The following VENTX variants were observed in gnomAD, a reference collection of about 807,000 sequenced individuals.
VENTX encodes the protein homeobox protein VENTX.
A neutral mutation model predicts 10.5 loss-of-function variants in VENTX; 13 were observed. The ratio of observed to expected loss-of-function variants is 1.23; its 90% confidence interval spans 0.80 to 1.96. The LOEUF (loss-of-function observed/expected upper bound fraction) is 1.96. Among genes scored for constraint, VENTX ranks in the 30% most tolerant of loss-of-function variants. VENTX has a pLI of 0.00. For synonymous variants in VENTX, 177 were observed against 150.4 expected, an observed-to-expected ratio of 1.18 and a Z score of -1.29; for missense variants, 400 against 341.8, an observed-to-expected ratio of 1.17 and a Z score of -1.34.
chr10:133,238,586 C>G (rs2136050799), intron 1 of VENTX, among the ~76,000 whole-genome samples: 1 of 152,064 alleles, frequency 6.6e-6, no homozygotes, highest in South Asian at 2.1e-4. Context: ...TAGGCTCAAG[C>G]CCATTCCGGG....
chr10:133,239,659 CT>C lies in VENTX; in HGVS notation c.242-15del. 6.2e-7 allele frequency: 1 copy of C among 1,610,908 alleles called. No individual in the cohort carries two copies. The highest frequency in any genetic ancestry group is 8.5e-7 in the Non-Finnish European group (1 of 1,179,916). On this transcript the variant is annotated splice_polypyrimidine_tract_variant and intron_variant, in intron 1 of 2. Transcript: ENST00000325980. ...GGGGTGGCATGTTGAGCCAAATGCC[CT>C]TACCCTCTATGTCAGGGTTGAGTAA...
Position 133,238,167 on chromosome 10 carries a change from T to TGG in VENTX, c.241+19_241+20dup. 3 of 1,574,790 alleles carry TGG rather than the reference T, an allele frequency of 1.9e-6. No individual in the cohort carries two copies. Among genetic ancestry groups the TGG allele is most frequent in the Non-Finnish European group, 2.6e-6 (3 of 1,159,066 alleles). On this transcript the variant is annotated intron_variant, in intron 1 of 2. Coordinates refer to ENST00000325980, the MANE Select transcript of VENTX (RefSeq NM_014468.4). Reference sequence around the variant, plus strand: ...GAGGACCATGGCCGGTAGGTCCGGGTGGGGGGGGTCCCTTCCTTCCCAGGT... The same window carrying TGG: ...GAGGACCATGGCCGGTAGGTCCGGGTGGGGGGGGGGTCCCTTCCTTCCCAGGT...
In VENTX at chr10:133,237,856, AGGT is replaced by A; in HGVS notation, c.-56_-54del. The A allele has an allele frequency of 6.8e-7, 1 of 1,478,934 alleles. No homozygotes were observed. Among genetic ancestry groups the A allele is most frequent in the Admixed American group, 2.3e-5 (1 of 44,422 alleles). 91.6% of individuals were successfully genotyped at this position (1,478,934 alleles called of 1,614,324 possible). ...AAACGCCGCCGCCTGGCGAGGCCCG[AGGT>A]GGATCCTGCGCCTGGCCAGCCCCGC... On this transcript the variant is annotated 5_prime_UTR_variant, in exon 1 of 3. Transcript: ENST00000325980.
intron 1 of VENTX, among the ~76,000 whole-genome samples, chr10:133,238,544 C>T (rs756505844): frequency 6.6e-6 from 1 of 152,182 alleles, no homozygotes; most frequent in South Asian, 2.1e-4. Flanking sequence ...CCCGCCCCCG[C>T]CCCCCAGCAC....
rs1255628026 is a variant in VENTX at position 133,240,472 on chromosome 10, A to G, written c.*166A>G. On this transcript the variant is annotated 3_prime_UTR_variant, in exon 3 of 3. Transcript: ENST00000325980. ...TATATAAATATATATATGTACGTAT[A>G]TATGTAAATACACATATACGTATAT... is the stretch of plus-strand genomic sequence containing the variant. The G allele has an allele frequency of 2.2e-6, 1 of 449,486 alleles. No homozygotes were observed. The highest frequency in any genetic ancestry group is 4.3e-5 in the East Asian group (1 of 23,034). The allele number at this position is 449,486 out of a possible 1,614,324, so 27.8% of individuals were successfully genotyped here.
At chr10:133,239,302 G>C (rs932022263) in intron 1 of VENTX, among the ~76,000 whole-genome samples, 1 of 152,226 alleles carries the variant, frequency 6.6e-6, no homozygotes, top group African/African-American at 2.4e-5. Flanking sequence ...CCCGGGACAG[G>C]GATGGGTGCC....
rs1470177591 is a variant in VENTX at position 133,238,269 on chromosome 10, G to A, written c.241+114G>A. 1.3e-5 allele frequency: 18 copies of A among 1,345,852 alleles called. No individual in the cohort carries two copies. The South Asian group carries it at 2.9e-4, about 22-fold the overall frequency. 83.4% of individuals were successfully genotyped at this position (1,345,852 alleles called of 1,614,324 possible). A position where few individuals can be genotyped will look rare whatever the true frequency, so the allele number is the denominator to read the frequency against. On this transcript the variant is annotated intron_variant, in intron 1 of 2. Coordinates refer to ENST00000325980, the MANE Select transcript of VENTX (RefSeq NM_014468.4). Reference sequence around the variant, plus strand: ...GTGCCCTGCCCACTAGGTCAGGGCCGGGGGCGTTTCCATGAGGGCCGGCGG... The same window carrying A: ...GTGCCCTGCCCACTAGGTCAGGGCCAGGGGCGTTTCCATGAGGGCCGGCGG...
chr10:133,239,929 C>A lies in VENTX; in HGVS notation c.403-3C>A. On this transcript the variant is annotated splice_region_variant and splice_polypyrimidine_tract_variant and intron_variant, in intron 2 of 2. Transcript: ENST00000325980. Reference sequence around the variant, plus strand: ...CCCTGTTCTGATCTTGCTTTTCCTACAGATAAAAACCTGGTTTCAGAATCG... The same window carrying A: ...CCCTGTTCTGATCTTGCTTTTCCTAAAGATAAAAACCTGGTTTCAGAATCG... 6.2e-7 allele frequency: 1 copy of A among 1,611,018 alleles called. No individual in the cohort carries two copies. The highest frequency in any genetic ancestry group is 8.5e-7 in the Non-Finnish European group (1 of 1,178,846).
At position 133,239,677 on chromosome 10, in the gene VENTX, G is replaced by A; in HGVS notation, c.243G>A (p.Gly81=). Residue 81 remains glycine (G), a splice_region_variant and synonymous_variant, in exon 2 of 3, where the codon GGG becomes GGA. Transcript: ENST00000325980. ...AAATGCCCTTACCCTCTATGTCAGG[G>A]TTGAGTAAGGAGCCAAATACCTTGC... The part of the protein sequence containing the change: ...NLPAPERTMA[G]LSKEPNTLRA... 1 of 1,611,096 alleles carries A rather than the reference G, an allele frequency of 6.2e-7. No individual in the cohort carries two copies. The highest frequency in any genetic ancestry group is 8.5e-7 in the Non-Finnish European group (1 of 1,180,008).
rs1406616174 is a variant in VENTX, at chr10:133,240,575, GCT to G, written c.*272_*273del. On this transcript the variant is annotated 3_prime_UTR_variant, in exon 3 of 3. Transcript: ENST00000325980. ...TTTTTTTTTTTTGAGACGGAGTGTT[GCT>G]CTGTCACCCAGGCTGGAGTGCAATG... 3 of 112,858 alleles carry G rather than the reference GCT, an allele frequency of 2.7e-5. No individual in the cohort carries two copies. The highest frequency in any genetic ancestry group is 1.1e-4 in the African/African-American group (3 of 26,656). The allele number at this position is 112,858 out of a possible 1,614,324, so 7.0% of individuals were successfully genotyped here.
chr10:133,239,287 CG>C (rs908413837), intron 1 of VENTX, among the ~76,000 whole-genome samples: 18 of 150,942 alleles, frequency 1.2e-4, no homozygotes, highest in African/African-American at 4.0e-4. Context: ...GCTGAGGAGA[CG>C]GAGCCCGGGA....
intron 1 of VENTX, among the ~76,000 whole-genome samples, chr10:133,238,628 T>C (rs1845887329): frequency 6.6e-6 from 1 of 151,788 alleles, no homozygotes; most frequent in Admixed American, 6.6e-5. Flanking sequence ...TTAAAGAGCC[T>C]GCAGGTTCGC....
rs368423943 is a variant in VENTX, at chr10:133,239,972, G to A, written c.443G>A (p.Arg148Gln). The A allele has an allele frequency of 2.9e-5, 47 of 1,611,504 alleles. No individual in the cohort carries two copies. The African/African-American group carries it at 2.9e-4, about 10-fold the overall frequency. ...CAGAATCGCCGCATGAAACACAAAC[G>A]GCAAATGCAGGACCCCCAGCTGCAC... is the stretch of plus-strand genomic sequence containing the variant. Reference protein sequence around the residue: ...WFQNRRMKHKRQMQDPQLHSP... With the variant: ...WFQNRRMKHKQQMQDPQLHSP... Residue 148 changes from arginine (R) to glutamine (Q), a missense_variant, in exon 3 of 3, where the codon CGG becomes CAG. Transcript: ENST00000325980.
At position 133,240,492 on chromosome 10, in the gene VENTX, GTATATATAAATATATATATACATA is replaced by G. The variant is rs1845919506; in HGVS notation, c.*188_*211del. 1 of 212,126 alleles carries G rather than the reference GTATATATAAATATATATATACATA, an allele frequency of 4.7e-6. No homozygotes were observed. The highest frequency in any genetic ancestry group is 2.5e-5 in the African/African-American group (1 of 39,234). The allele number at this position is 212,126 out of a possible 1,614,324, so 13.1% of individuals were successfully genotyped here. A position where few individuals can be genotyped will look rare whatever the true frequency, so the allele number is the denominator to read the frequency against. The stretch of plus-strand genomic sequence containing the variant: ...CGTATATATGTAAATACACATATAC[GTATATATAAATATATATATACATA>G]TGTGTGTGTATATATATATATATTT... On this transcript the variant is annotated 3_prime_UTR_variant, in exon 3 of 3. Transcript: ENST00000325980.
chr10:133,238,693 G>A (rs1260994308), intron 1 of VENTX, among the ~76,000 whole-genome samples: 1 of 152,190 alleles, frequency 6.6e-6, no homozygotes, highest in East Asian at 1.9e-4. Flanking sequence ...TCCCTCTGTG[G>A]CCGCCCAGAT....
In VENTX at chr10:133,240,644, A is replaced by T. The variant is rs1845924605; in HGVS notation, c.*338A>T. On this transcript the variant is annotated 3_prime_UTR_variant, in exon 3 of 3. Coordinates refer to ENST00000325980, the MANE Select transcript of VENTX (RefSeq NM_014468.4). ...CTGCAACCTCCGCCTCCTGGGTTCA[A>T]GCGATTCTCCAGCCTCAGCCTCCCG... The T allele has an allele frequency of 1.3e-5, 2 of 150,132 alleles. No homozygotes were observed. The highest frequency in any genetic ancestry group is 4.2e-4 in the South Asian group (2 of 4,748). The allele number at this position is 150,132 out of a possible 1,614,324, so 9.3% of individuals were successfully genotyped here.
At chr10:133,238,829 C>T (rs1220577415) in intron 1 of VENTX, among the ~76,000 whole-genome samples, 1 of 152,192 alleles carries the variant, frequency 6.6e-6, no homozygotes, top group Admixed American at 6.5e-5. Context: ...TACAAGTTTT[C>T]ATTTTTAAAA....
chr10:133,240,376 T>C lies in VENTX; in HGVS notation c.*70T>C. The C allele has an allele frequency of 1.4e-6, 2 of 1,473,410 alleles. No individual in the cohort carries two copies. Among genetic ancestry groups the C allele is most frequent in the Non-Finnish European group, 8.9e-7 (1 of 1,126,706 alleles). The allele number at this position is 1,473,410 out of a possible 1,614,324, so 91.3% of individuals were successfully genotyped here. On this transcript the variant is annotated 3_prime_UTR_variant, in exon 3 of 3. Transcript: ENST00000325980. ...CTGGCTCCTACCTGGAGGACTCAGT[T>C]GTTCTGTTTACATCCTGGTGGCACC... is the stretch of plus-strand genomic sequence containing the variant.
rs781423999 is a variant in VENTX at position 133,240,317 on chromosome 10, C to T, written c.*11C>T. Reference sequence around the variant, plus strand: ...GGGGATGCATTTTGAGGAGGCACCTCTGACTCCCACACTCGCGGTCTTGCT... The same window carrying T: ...GGGGATGCATTTTGAGGAGGCACCTTTGACTCCCACACTCGCGGTCTTGCT... On this transcript the variant is annotated 3_prime_UTR_variant, in exon 3 of 3. Coordinates refer to ENST00000325980, the MANE Select transcript of VENTX (RefSeq NM_014468.4). The T allele has an allele frequency of 6.4e-7, 1 of 1,565,134 alleles. No individual in the cohort carries two copies. Among genetic ancestry groups the T allele is most frequent in the South Asian group, 1.2e-5 (1 of 85,496 alleles).
Sources: gnomAD v4.1 joint callset for allele counts (sites outside exome capture counted in the v4.1 genomes callset) on GRCh38, gnomAD v4.1.1 for gene constraint, MANE v1.5 for transcripts, NCBI Gene and HGNC (gene_info 2026-07-23, HGNC 2026-07-21) for gene names.